The following KEL variants were observed in gnomAD, a reference collection of about 807,000 sequenced individuals.
KEL encodes Kell metallo-endopeptidase (Kell blood group).
Under a neutral mutation model 99.5 loss-of-function variants are expected in KEL, and 96 were observed. The observed-to-expected ratio is 0.97, with a 90% CI of 0.82 to 1.14. The LOEUF (loss-of-function observed/expected upper bound fraction) is 1.14, where lower values mean the gene tolerates loss of function less well. KEL is among the 50% of genes most tolerant of loss of function. KEL has a pLI of 0.00. For missense variants in KEL, 926 were observed against 924.2 expected, an observed-to-expected ratio of 1.00 and a Z score of -0.03; for synonymous variants, 355 against 354.8, an observed-to-expected ratio of 1.00 and a Z score of -0.01.
intron 6 of KEL, among the ~76,000 whole-genome samples, chr7:142,956,937 T>C (rs1796843290): frequency 1.3e-5 from 2 of 152,242 alleles, no homozygotes; most frequent in African/African-American, 4.8e-5. Context: ...ACAAGAGTGA[T>C]AGCTCCAGTG....
intron 5 of KEL, 23 bp downstream of exon 5, chr7:142,958,281 G>A (rs1438251125): frequency 1.1e-5 from 17 of 1,613,904 alleles, no homozygotes; most frequent in Non-Finnish European, 1.4e-5. Flanking sequence ...ATCCAGAAAA[G>A]TTAATATCCC....
Position 142,958,445 on chromosome 7 carries a change from G to T in KEL, c.401-17C>A. On this transcript the variant is annotated splice_polypyrimidine_tract_variant and intron_variant, in intron 4 of 18. Coordinates refer to ENST00000355265, the MANE Select transcript of KEL (RefSeq NM_000420.3). ...TCTGGACCTCTAGAAAGGAAGCATG[G>T]GAGTGAGGACTAAACTCTGATTTTT... is the stretch of plus-strand genomic sequence containing the variant. 6.2e-7 allele frequency: 1 copy of T among 1,613,352 alleles called. No individual in the cohort carries two copies. The highest frequency in any genetic ancestry group is 8.5e-7 in the Non-Finnish European group (1 of 1,179,874).
intron 11 of KEL, 61 bp from the exon 12 acceptor site, chr7:142,944,802 G>C: frequency 1.5e-6 from 2 of 1,317,824 alleles, no homozygotes; most frequent in Non-Finnish European, 2.2e-6. Context: ...GCCTGGCCCT[G>C]CCCACAGCTT....
intron 10 of KEL, among the ~76,000 whole-genome samples, chr7:142,947,433 CT>C (rs1796563245): frequency 6.6e-6 from 1 of 152,076 alleles, no homozygotes; most frequent in African/African-American, 2.4e-5. Context: ...CTGGTAGTCA[CT>C]GAAGAAAAAA....
chr7:142,958,465 A>T (rs775415901), intron 4 of KEL, 37 bp from the exon 5 acceptor site: 2 of 1,607,634 alleles, frequency 1.2e-6, no homozygotes, highest in East Asian at 2.2e-5. Context: ...CTAAACTCTG[A>T]TTTTTTTTAT....
Position 142,942,932 on chromosome 7 carries a change from G to T in KEL, c.1884C>A (p.Asp628Glu). ...FPLPSRTSFN[D>E]SLTFLENAAD... is the part of the protein sequence containing the mutation. Reference sequence around the variant, plus strand: ...CAGCATTCTCTAAGAATGTGAGGGAGTCATTGAAGGAGGTTCTGCTAGGTA... The same window carrying T: ...CAGCATTCTCTAAGAATGTGAGGGATTCATTGAAGGAGGTTCTGCTAGGTA... The change falls in exon 17 of 19, where the codon GAC becomes GAA. Residue 628 changes from aspartate to glutamate, a missense_variant. Coordinates refer to ENST00000355265, the MANE Select transcript of KEL (RefSeq NM_000420.3). The T allele has an allele frequency of 1.2e-6, 2 of 1,614,198 alleles. No homozygotes were observed. The highest frequency in any genetic ancestry group is 2.2e-5 in the South Asian group (2 of 91,084).
intron 10 of KEL, 50 bp from the exon 11 acceptor site, chr7:142,946,367 C>A: frequency 7.3e-7 from 1 of 1,378,992 alleles, no homozygotes; most frequent in Non-Finnish European, 1.0e-6. Context: ...ACTCTTTCCT[C>A]ATCTGTCTCC....
chr7:142,943,569 A>AT lies in KEL; in HGVS notation c.1619dup (p.Asn540LysfsTer8). The AT allele has an allele frequency of 1.9e-6, 3 of 1,614,094 alleles. No individual in the cohort carries two copies. The highest frequency in any genetic ancestry group is 2.5e-6 in the Non-Finnish European group (3 of 1,179,964). On this transcript the variant is annotated frameshift_variant, in exon 15 of 19. Coordinates refer to ENST00000355265, the MANE Select transcript of KEL (RefSeq NM_000420.3). LOFTEE classifies it high-confidence loss of function. ...CATGGTCAGATACCGAATAGTAAGCATTGACGTCCCAAGGGGACACCTTCC... is the reference window on the plus strand; with the variant it reads ...CATGGTCAGATACCGAATAGTAAGCATTTGACGTCCCAAGGGGACACCTTCC...
At chr7:142,957,630 C>T (rs1796857525) in intron 6 of KEL, among the ~76,000 whole-genome samples, 197 bp downstream of exon 6, 1 of 152,234 alleles carries the variant, frequency 6.6e-6, no homozygotes, top group South Asian at 2.1e-4. Flanking sequence ...CTTCCCAGCA[C>T]TGGCTCTGCT....
intron 16 of KEL, 29 bp downstream of exon 16, chr7:142,943,246 TC>T: frequency 6.2e-7 from 1 of 1,611,158 alleles, no homozygotes; most frequent in Non-Finnish European, 8.5e-7. Context: ...TTCCCTATTA[TC>T]CCACCTCCCA....
intron 4 of KEL, among the ~76,000 whole-genome samples, chr7:142,959,300 G>C (rs1796900518): frequency 6.6e-6 from 1 of 152,122 alleles, no homozygotes; most frequent in East Asian, 1.9e-4. Flanking sequence ...GGAGGGGGAG[G>C]AATAGAGATG....
intron 6 of KEL, among the ~76,000 whole-genome samples, chr7:142,955,742 A>G (rs1796815231): frequency 6.6e-6 from 1 of 152,138 alleles, no homozygotes; most frequent in African/African-American, 2.4e-5. Context: ...TTCTGTCTCG[A>G]AAAAAACTTT....
chr7:142,952,700 C>A (rs1586262357), intron 9 of KEL, 62 bp from the exon 10 acceptor site: 3 of 1,590,750 alleles, frequency 1.9e-6, no homozygotes, highest in South Asian at 1.1e-5. Flanking sequence ...TCAAGAAGAG[C>A]CTCTCCTTGT....
intron 14 of KEL, 70 bp downstream of exon 14, chr7:142,943,713 G>A: frequency 6.6e-7 from 1 of 1,515,678 alleles, no homozygotes; most frequent in South Asian, 1.1e-5. Flanking sequence ...CTGAGCCCTG[G>A]CTTCCTTTCC....
At position 142,943,475 on chromosome 7, in the gene KEL, G is replaced by A. The variant is rs377425893; in HGVS notation, c.1703+11C>T. 27 of 1,610,404 alleles carry A rather than the reference G, an allele frequency of 1.7e-5. No individual in the cohort carries two copies. The African/African-American group carries it at 3.1e-4, about 18-fold the overall frequency. On this transcript the variant is annotated intron_variant, in intron 15 of 18. Transcript: ENST00000355265. ...GAAACTCCCTACCTACCCTTACAGA[G>A]TGACCCATACCTGGGATAGCCAGGG...
Position 142,952,776 on chromosome 7 carries a change from C to A in KEL, c.1074-138G>T. The A allele has an allele frequency of 4.1e-6, 4 of 984,562 alleles. No individual in the cohort carries two copies. The Admixed American group carries it at 6.8e-5, about 17-fold the overall frequency. 61.0% of individuals were successfully genotyped at this position (984,562 alleles called of 1,614,324 possible). A position where few individuals can be genotyped will look rare whatever the true frequency, so the allele number is the denominator to read the frequency against. On this transcript the variant is annotated intron_variant, in intron 9 of 18. Transcript: ENST00000355265. ...CTGTATTAATAAGTGTTTTAACATG[C>A]ACCCAAGTCAAAAAGAGCTTTTCAT...
chr7:142,952,685 A>G, intron 9 of KEL, 47 bp from the exon 10 acceptor site: 1 of 1,609,334 alleles, frequency 6.2e-7, no homozygotes, highest in Non-Finnish European at 8.5e-7. Context: ...GAATCTGGGG[A>G]TGCTTCAAGA....
Position 142,952,558 on chromosome 7 carries a change from C to A in KEL, c.1154G>T (p.Arg385Leu), listed in dbSNP as rs747754194. The A allele has an allele frequency of 6.2e-7, 1 of 1,614,122 alleles. No homozygotes were observed. The highest frequency in any genetic ancestry group is 1.7e-5 in the Admixed American group (1 of 60,022). The change falls in exon 10 of 19, where the codon CGC (arginine) becomes CTC (leucine). Residue 385 changes from arginine to leucine, a missense_variant. Transcript: ENST00000355265. ...CCGCAGTTTCTGGCTGAGCTTTCTG[C>A]GTGCCTCCTGGAATTGACTGTCCAG... ...PALDSQFQEARRKLSQKLREL... is the reference protein window; with the variant it reads ...PALDSQFQEALRKLSQKLREL...
intron 16 of KEL, 110 bp from the exon 17 acceptor site, chr7:142,943,154 A>G: frequency 3.2e-6 from 5 of 1,554,774 alleles, no homozygotes; most frequent in Non-Finnish European, 4.4e-6. Flanking sequence ...GGAGCATGGC[A>G]AAGTTCCCAG....
Sources: gnomAD v4.1 joint callset for allele counts (sites outside exome capture counted in the v4.1 genomes callset) on GRCh38, gnomAD v4.1.1 for gene constraint, MANE v1.5 for transcripts, NCBI Gene and HGNC (gene_info 2026-07-23, HGNC 2026-07-21) for gene names.